The following PCLO variants were observed in gnomAD, a reference collection of about 807,000 sequenced individuals.
PCLO encodes the protein piccolo presynaptic cytomatrix protein, also known as protein piccolo.
A neutral mutation model predicts 427.5 loss-of-function variants in PCLO; 82 were observed. The observed-to-expected ratio is 0.19, with a 90% CI of 0.16 to 0.23. The LOEUF is 0.23. Ranked by LOEUF, PCLO falls within the 10% of genes least tolerant of loss-of-function variation. The pLI is 1.00. For missense variants in PCLO, 6,239 were observed against 6,115.9 expected (o/e 1.02, Z -0.67); for synonymous variants, 2,357 against 2,155.4 (o/e 1.09, Z -2.59).
chr7:82,848,751 C>T (rs1199094208), intron 10 of PCLO: 1 of 201,066 alleles, frequency 5.0e-6, no homozygotes, highest in African/African-American at 2.3e-5. Context: ...TATTAGAAAG[C>T]ATATTACCAG....
intron 22 of PCLO, among the ~76,000 whole-genome samples, chr7:82,766,705 G>T (rs1295265316): frequency 6.6e-6 from 1 of 152,006 alleles, no homozygotes; most frequent in African/African-American, 2.4e-5. Flanking sequence ...AGGCCTAAAA[G>T]CTCAACACAC....
intron 3 of PCLO, among the ~76,000 whole-genome samples, chr7:83,024,933 C>G (rs1291363550): frequency 6.6e-6 from 1 of 152,132 alleles, no homozygotes; most frequent in Non-Finnish European, 1.5e-5. Flanking sequence ...GAAAGGACAT[C>G]TACACCAAAA....
chr7:82,951,598 T>C (rs774374710), intron 5 of PCLO, 108 bp from the exon 6 acceptor site: 13 of 871,940 alleles, frequency 1.5e-5, no homozygotes, highest in Non-Finnish European at 2.1e-5. Context: ...TGCATGCAAA[T>C]CCACAGGGTA....
At chr7:82,781,082 A>C (rs978947157) in intron 22 of PCLO, among the ~76,000 whole-genome samples, 1 of 152,006 alleles carries the variant, frequency 6.6e-6, no homozygotes, top group Non-Finnish European at 1.5e-5. Flanking sequence ...AACAAATAAG[A>C]GAAATAAATA....
At chr7:83,024,490 GTC>G in intron 3 of PCLO, among the ~76,000 whole-genome samples, 1 of 152,178 alleles carries the variant, frequency 6.6e-6, no homozygotes, top group Non-Finnish European at 1.5e-5. Context: ...TAGCACGGCA[GTC>G]TGAGATCAGA....
chr7:82,835,956 TAG>T (rs1792222854), intron 15 of PCLO, among the ~76,000 whole-genome samples: 1 of 152,102 alleles, frequency 6.6e-6, no homozygotes, highest in South Asian at 2.1e-4. Flanking sequence ...TGAATAGGGG[TAG>T]CTTATTAGCT....
At chr7:83,109,316 TC>T (rs1790944734) in intron 3 of PCLO, among the ~76,000 whole-genome samples, 1 of 152,172 alleles carries the variant, frequency 6.6e-6, no homozygotes, top group African/African-American at 2.4e-5. Context: ...TATACTTTCA[TC>T]TTAGACTGAT....
chr7:83,015,359 C>A (rs564683430), intron 3 of PCLO, among the ~76,000 whole-genome samples: 1 of 151,496 alleles, frequency 6.6e-6, no homozygotes, highest in Admixed American at 6.6e-5. Context: ...TTTGTAGTGA[C>A]CAGTCAGCCT....
chr7:83,075,337 G>T (rs1789924746), intron 3 of PCLO, among the ~76,000 whole-genome samples: 1 of 152,030 alleles, frequency 6.6e-6, no homozygotes, highest in South Asian at 2.1e-4. Context: ...GAGTATAGTT[G>T]GTCCATTTCT....
At chr7:83,014,670 G>C (rs551826176) in intron 3 of PCLO, among the ~76,000 whole-genome samples, 7 of 151,954 alleles carry the variant, frequency 4.6e-5, no homozygotes, top group Non-Finnish European at 8.8e-5. Flanking sequence ...GGAGAGTCTT[G>C]GTTCCCAGAC....
chr7:83,064,818 A>G (rs988628583), intron 3 of PCLO, among the ~76,000 whole-genome samples: 9 of 152,008 alleles, frequency 5.9e-5, no homozygotes, highest in African/African-American at 2.2e-4. Context: ...GCTCTCTCCG[A>G]GAGATGTGAA....
chr7:82,860,487 T>G (rs983446834), intron 10 of PCLO, among the ~76,000 whole-genome samples: 3 of 151,806 alleles, frequency 2.0e-5, no homozygotes, highest in Non-Finnish European at 2.9e-5. Context: ...GAAGGAGAAA[T>G]AAATACTTAA....
intron 10 of PCLO, among the ~76,000 whole-genome samples, chr7:82,858,359 T>G (rs1584058963): frequency 1.3e-5 from 2 of 152,270 alleles, no homozygotes; most frequent in East Asian, 3.9e-4. Context: ...GCAACTAATA[T>G]CATACTCAAT....
chr7:82,976,336 T>C (rs1796017557), intron 3 of PCLO, among the ~76,000 whole-genome samples: 1 of 152,198 alleles, frequency 6.6e-6, no homozygotes, highest in Admixed American at 6.5e-5. Flanking sequence ...CTACTTTAAA[T>C]TCTTTCCTTC....
Position 83,134,479 on chromosome 7 carries a change from T to C in PCLO, c.3071A>G (p.Glu1024Gly). The change falls in exon 3 of 25, where the codon GAA becomes GGA. Residue 1024 changes from glutamate to glycine, a missense_variant. Transcript: ENST00000333891. ...ATCCTTAATAGGTGGTGGCTTTTTTTCTGTTTCTGTTCTTTTTACTGTTGG... is the reference window on the plus strand; with the variant it reads ...ATCCTTAATAGGTGGTGGCTTTTTTCCTGTTTCTGTTCTTTTTACTGTTGG... ...QAPTVKRTET[E>G]KKPPPIKDSK... 1 of 1,613,410 alleles carries C rather than the reference T, an allele frequency of 6.2e-7. No individual in the cohort carries two copies. Among genetic ancestry groups the C allele is most frequent in the East Asian group, 2.2e-5 (1 of 44,860 alleles).
intron 3 of PCLO, among the ~76,000 whole-genome samples, chr7:83,100,283 C>T (rs757285574): frequency 3.9e-5 from 6 of 152,064 alleles, no homozygotes; most frequent in Non-Finnish European, 8.8e-5. Flanking sequence ...ACAGAAATAC[C>T]ATTCAATCTA....
At chr7:82,912,095 CACA>C (rs1794336824) in intron 7 of PCLO, among the ~76,000 whole-genome samples, 1 of 152,102 alleles carries the variant, frequency 6.6e-6, no homozygotes, top group Admixed American at 6.5e-5. Flanking sequence ...TGGAAAAGCA[CACA>C]ACAAATAATT....
chr7:82,970,605 A>C (rs761419320), intron 3 of PCLO, among the ~76,000 whole-genome samples: 16 of 151,876 alleles, frequency 1.1e-4, no homozygotes, highest in Non-Finnish European at 1.9e-4. Context: ...AGAACCAAAA[A>C]TAAAATGTCA....
chr7:82,866,350 T>C (rs1793092552), intron 10 of PCLO, among the ~76,000 whole-genome samples: 1 of 152,000 alleles, frequency 6.6e-6, no homozygotes, highest in Non-Finnish European at 1.5e-5. Flanking sequence ...TTATATGAGA[T>C]ATATTTAACA....
Sources: allele counts gnomAD v4.1 joint callset (sites outside exome capture counted in the v4.1 genomes callset), GRCh38; gene constraint gnomAD v4.1.1; transcripts MANE v1.5; gene names NCBI Gene and HGNC (gene_info 2026-07-23, HGNC 2026-07-21).